Variants in IQSEC2 observed in about 807,000 individuals in gnomAD.
IQSEC2 encodes IQ motif and Sec7 domain ArfGEF 2, also known as IQ motif and SEC7 domain-containing protein 2.
IQSEC2 carries 6 observed loss-of-function variants against 74.6 expected under a neutral mutation model. The ratio of observed to expected loss-of-function variants is 0.08; its 90% CI spans 0.04 to 0.16. IQSEC2 has a LOEUF of 0.16. Among genes scored for constraint, IQSEC2 ranks in the 10% least tolerant of loss-of-function variants. IQSEC2 has a pLI of 1.00. For synonymous variants in IQSEC2, 494 were observed against 544.5 expected (o/e 0.91, Z 1.29); for missense variants, 734 against 1,306.2 (o/e 0.56, Z 6.75).
At chrX:53,314,768 A>G (rs2075353128) in intron 1 of IQSEC2, among the ~76,000 whole-genome samples, 1 of 111,925 alleles carries the variant, frequency 8.9e-6, no homozygotes, top group Non-Finnish European at 1.9e-5. Flanking sequence ...GAGTGAAACT[A>G]CTGGAGCTGG....
intron 1 of IQSEC2, among the ~76,000 whole-genome samples, chrX:53,311,137 A>AAAAAAAAAAAAAAAAAAAAAC: frequency 1.1e-5 from 1 of 94,570 alleles, no homozygotes; most frequent in Non-Finnish European, 2.2e-5. Flanking sequence ...AAAAAAAAAG[A>AAAAAAAAAAAAAAAAAAAAAC]AAAGAAAAGA....
chrX:53,308,819 C>T (rs782222129), intron 1 of IQSEC2, among the ~76,000 whole-genome samples: 5 of 110,345 alleles, frequency 4.5e-5, no homozygotes, highest in South Asian at 3.9e-4. Flanking sequence ...TGGGAGGGGC[C>T]GGGCGCAGTG....
intron 9 of IQSEC2, among the ~76,000 whole-genome samples, chrX:53,242,518 T>C (rs1190744247): frequency 1.9e-5 from 2 of 105,968 alleles, no homozygotes; most frequent in Non-Finnish European, 3.9e-5. Context: ...AGGCTGAAAA[T>C]GGTCTCTCTC....
chrX:53,309,001 G>A (rs782721670), intron 1 of IQSEC2, among the ~76,000 whole-genome samples: 2 of 107,588 alleles, frequency 1.9e-5, no homozygotes, highest in Non-Finnish European at 3.8e-5. Context: ...CTACTCAGGA[G>A]ACTGAGGCAG....
chrX:53,305,992 G>A (rs1026841218), intron 1 of IQSEC2, among the ~76,000 whole-genome samples: 8 of 112,762 alleles, frequency 7.1e-5, no homozygotes, highest in Non-Finnish European at 1.5e-4. Flanking sequence ...GTACTACAAT[G>A]ACAGAGAGAG....
chrX:53,262,788 C>T (rs1480708672), intron 2 of IQSEC2, among the ~76,000 whole-genome samples: 3 of 112,953 alleles, frequency 2.7e-5, no homozygotes, highest in African/African-American at 9.6e-5. Flanking sequence ...GCTTTGGGAG[C>T]GCAAGACCTG....
chrX:53,293,010 C>T (rs1556873377), intron 1 of IQSEC2, among the ~76,000 whole-genome samples: 1 of 112,321 alleles, frequency 8.9e-6, no homozygotes, highest in Non-Finnish European at 1.9e-5. Context: ...ACAGCACAGG[C>T]TCTGTCCTCA....
At chrX:53,313,048 G>C (rs782005622) in intron 1 of IQSEC2, among the ~76,000 whole-genome samples, 18 of 112,501 alleles carry the variant, frequency 1.6e-4, no homozygotes, top group African/African-American at 5.5e-4. Context: ...CTGATCAGCC[G>C]TGTAGCTCTG....
intron 13 of IQSEC2, 135 bp from the exon 14 acceptor site, chrX:53,235,967 G>T: frequency 1.8e-6 from 1 of 570,093 alleles, no homozygotes; most frequent in Middle Eastern, 5.2e-4. Flanking sequence ...CATTGAAGAG[G>T]GGGAGGCGGG....
rs1556862946 is a variant in IQSEC2 at position 53,250,269 on chromosome X, G to A, written c.2297+10C>T. On this transcript the variant is annotated intron_variant, in intron 5 of 14. Coordinates refer to ENST00000642864, the MANE Select transcript of IQSEC2 (RefSeq NM_001111125.3). ...GAAGGGGTAAGCAGGCTAGAACGGGGAGCACGCACTTGTTGAAGAGGTTGA... is the reference window on the plus strand; with the variant it reads ...GAAGGGGTAAGCAGGCTAGAACGGGAAGCACGCACTTGTTGAAGAGGTTGA... 1 of 1,210,067 alleles carries A rather than the reference G, an allele frequency of 8.3e-7. No homozygotes were observed. The highest frequency in any genetic ancestry group is 2.2e-5 in the Admixed American group (1 of 46,066).
chrX:53,281,346 G>A, intron 2 of IQSEC2: 1 of 388,409 alleles, frequency 2.6e-6, no homozygotes, highest in Non-Finnish European at 4.5e-6. Flanking sequence ...CACTTGAACT[G>A]GCTCCCTCCC....
At chrX:53,262,579 C>T (rs2074584868) in intron 2 of IQSEC2, among the ~76,000 whole-genome samples, 1 of 112,134 alleles carries the variant, frequency 8.9e-6, no homozygotes, top group Admixed American at 9.4e-5. Context: ...GCAGACTGGG[C>T]CAGGAGACTG....
At chrX:53,277,211 G>A (rs1454753197) in intron 2 of IQSEC2, among the ~76,000 whole-genome samples, 3 of 108,306 alleles carry the variant, frequency 2.8e-5, no homozygotes, top group East Asian at 2.9e-4. Flanking sequence ...AACTTTGACC[G>A]TCTTTTCTTT....
intron 2 of IQSEC2, among the ~76,000 whole-genome samples, chrX:53,259,764 C>T (rs1185863727): frequency 1.8e-5 from 2 of 109,661 alleles, no homozygotes; most frequent in South Asian, 4.0e-4. Flanking sequence ...CCTGCCACTG[C>T]ACTCCAGCCT....
At chrX:53,293,637 C>G (rs782172747) in intron 1 of IQSEC2, among the ~76,000 whole-genome samples, 4 of 111,200 alleles carry the variant, frequency 3.6e-5, no homozygotes, top group Non-Finnish European at 7.6e-5. Flanking sequence ...ACCCTCTGCT[C>G]TAGGCAGACC....
At chrX:53,227,858 C>T (rs2074049010), downstream of IQSEC2, 1 of 151,227 alleles carries the variant, frequency 6.6e-6, no homozygotes, top group Non-Finnish European at 1.3e-5. Context: ...AGCCCAGACA[C>T]ACCCGTCCTA....
chrX:53,261,902 G>A (rs2074575044), intron 2 of IQSEC2, among the ~76,000 whole-genome samples: 1 of 112,133 alleles, frequency 8.9e-6, no homozygotes, highest in East Asian at 2.8e-4. Flanking sequence ...CACTTACTGC[G>A]CACCTTCCCT....
At chrX:53,265,387 C>T (rs2074638913) in intron 2 of IQSEC2, among the ~76,000 whole-genome samples, 1 of 111,158 alleles carries the variant, frequency 9.0e-6, no homozygotes, top group African/African-American at 3.3e-5. Context: ...AATCACAGCA[C>T]ACTTGCCCAA....
At chrX:53,236,519 G>A in intron 12 of IQSEC2, 24 bp from the exon 13 acceptor site, 1 of 1,182,121 alleles carries the variant, frequency 8.5e-7, no homozygotes, top group Non-Finnish European at 1.1e-6. Flanking sequence ...GGGGAGACAG[G>A]GAGCAAAGGT....
Sources: gnomAD v4.1 joint callset for allele counts (sites outside exome capture counted in the v4.1 genomes callset) on GRCh38, gnomAD v4.1.1 for gene constraint, MANE v1.5 for transcripts, NCBI Gene and HGNC (gene_info 2026-07-23, HGNC 2026-07-21) for gene names.